SLC29A3: variants seen among roughly 807,000 people sequenced by gnomAD.
SLC29A3 encodes solute carrier family 29 member 3.
A neutral mutation model predicts 25.4 loss-of-function variants in SLC29A3; 18 were observed. That is an observed-to-expected ratio of 0.71 (90% CI 0.49 to 1.05). SLC29A3 has a LOEUF of 1.05. SLC29A3 is among the 50% of genes least tolerant of loss of function. SLC29A3 has a pLI of 0.00. For missense variants in SLC29A3, 586 were observed against 609.0 expected (o/e 0.96, Z 0.40); for synonymous variants, 258 against 267.1 (o/e 0.97, Z 0.33).
In SLC29A3 at chr10:71,319,325, G is replaced by T; in HGVS notation, c.1+15G>T. 1.5e-6 allele frequency: 1 copy of T among 645,418 alleles called. No individual in the cohort carries two copies. Among genetic ancestry groups the T allele is most frequent in the East Asian group, 3.3e-5 (1 of 30,648 alleles). The allele number at this position is 645,418 out of a possible 1,614,324, so 40.0% of individuals were successfully genotyped here. A position where few individuals can be genotyped will look rare whatever the true frequency, so the allele number is the denominator to read the frequency against. On this transcript the variant is annotated intron_variant, in intron 1 of 5. Transcript: ENST00000373189. ...CAGCGGCGACAGTAAGTGCGGGCCG[G>T]CTCGGGCTCTTCCGGCTACGGTCCC...
chr10:71,356,235 G>C lies in SLC29A3; in HGVS notation c.765G>C (p.Glu255Asp). 1 of 1,613,588 alleles carries C rather than the reference G, an allele frequency of 6.2e-7. No individual in the cohort carries two copies. ...TCTACCTGCTGCTGTCCAGGCTGGAGTATGCCAGGTGAAGGTGCCACTCAC... is the reference window on the plus strand; with the variant it reads ...TCTACCTGCTGCTGTCCAGGCTGGACTATGCCAGGTGAAGGTGCCACTCAC... ...MGLYLLLSRL[E>D]YARYYMRPVL... is the part of the protein sequence containing the mutation. Residue 255 changes from glutamate (E) to aspartate (D), a missense_variant, in exon 5 of 6, where the codon GAG becomes GAC. Glu to Asp is a conservative substitution (Grantham distance 45, BLOSUM62 2). Coordinates refer to ENST00000373189, the MANE Select transcript of SLC29A3 (RefSeq NM_018344.6).
Position 71,351,779 on chromosome 10 carries a change from C to T in SLC29A3, c.601C>T (p.Leu201=). 1 of 1,611,968 alleles carries T rather than the reference C, an allele frequency of 6.2e-7. No individual in the cohort carries two copies. The highest frequency in any genetic ancestry group is 8.5e-7 in the Non-Finnish European group (1 of 1,179,632). Residue 201 remains leucine (L), a synonymous_variant, in exon 4 of 6, where the codon CTG becomes TTG. Coordinates refer to ENST00000373189, the MANE Select transcript of SLC29A3 (RefSeq NM_018344.6). ...CTTTCCTATGAGGAACTCCCAGGCACTGATATCAGGTGAGAGCCAGGGTCC... is the reference window on the plus strand; with the variant it reads ...CTTTCCTATGAGGAACTCCCAGGCATTGATATCAGGTGAGAGCCAGGGTCC... ...GSFPMRNSQA[L]ISGGAMGGTV... is the part of the protein sequence containing the mutation.
At chr10:71,351,943 A>G (rs1447349200) in intron 4 of SLC29A3, among the ~76,000 whole-genome samples, 155 bp downstream of exon 4, 1 of 152,210 alleles carries the variant, frequency 6.6e-6, no homozygotes, top group Non-Finnish European at 1.5e-5. Context: ...AACAACGGTC[A>G]TTTCTACTAC....
intron 2 of SLC29A3, among the ~76,000 whole-genome samples, chr10:71,324,209 G>A (rs959409428): frequency 3.3e-5 from 5 of 152,210 alleles, no homozygotes; most frequent in Non-Finnish European, 7.3e-5. Context: ...TCAAGGCGAG[G>A]CCTCTGCTTG....
At chr10:71,367,927 G>A (rs558395462), downstream of SLC29A3, among the ~76,000 whole-genome samples, 3 of 152,284 alleles carry the variant, frequency 2.0e-5, no homozygotes, top group African/African-American at 7.2e-5. Context: ...CTTTTCTGAT[G>A]TCTAAAATAA....
At position 71,341,061 on chromosome 10, in the gene SLC29A3, G is replaced by A. The variant is rs528596390; in HGVS notation, c.301-3148G>A. On this transcript the variant is annotated intron_variant, in intron 2 of 5. Coordinates refer to ENST00000373189, the MANE Select transcript of SLC29A3 (RefSeq NM_018344.6). ...AGCCAGTCTGGGGAGAGGAGAGGCG[G>A]GCGAACGATCTGTGGGCTCCTTCCA... Among the ~76,000 whole-genome samples, 49 of 152,296 alleles carry A rather than the reference G, an allele frequency of 3.2e-4. 1 individual carries two copies. In the South Asian group the frequency reaches 3.7e-3, roughly 12 times the overall value.
chr10:71,372,907 G>A (rs1847222036), intron 3 of SLC29A3, among the ~76,000 whole-genome samples: 1 of 152,130 alleles, frequency 6.6e-6, no homozygotes, highest in Non-Finnish European at 1.5e-5. Context: ...GAGGAGGGAG[G>A]AGGGACAGGG....
chr10:71,357,983 G>A (rs1458676580), intron 5 of SLC29A3, among the ~76,000 whole-genome samples: 1 of 152,188 alleles, frequency 6.6e-6, no homozygotes, highest in African/African-American at 2.4e-5. Flanking sequence ...GCTATTTTTT[G>A]CAGTGGCACA....
At chr10:71,373,520 A>T (rs1200047113) in intron 3 of SLC29A3, among the ~76,000 whole-genome samples, 1 of 152,230 alleles carries the variant, frequency 6.6e-6, no homozygotes, top group Admixed American at 6.5e-5. Flanking sequence ...GAACCTCAGT[A>T]TCCTCATCCG....
intron 2 of SLC29A3, among the ~76,000 whole-genome samples, chr10:71,324,959 C>T (rs1845932659): frequency 6.6e-6 from 1 of 152,208 alleles, no homozygotes; most frequent in Non-Finnish European, 1.5e-5. Flanking sequence ...GGTCAGGAGC[C>T]TCCGTTTCCA....
chr10:71,362,643 CT>C lies in SLC29A3; in HGVS notation c.*38del. The C allele has an allele frequency of 1.9e-6, 3 of 1,613,574 alleles. No homozygotes were observed. Among genetic ancestry groups the C allele is most frequent in the Non-Finnish European group, 2.5e-6 (3 of 1,179,836 alleles). The stretch of plus-strand genomic sequence containing the variant: ...CACAAGGACATTGGTGCTTCAGAGC[CT>C]TTGAAGATGAGAAGAGAGTGCAGGA... On this transcript the variant is annotated 3_prime_UTR_variant, in exon 6 of 6. Coordinates refer to ENST00000373189, the MANE Select transcript of SLC29A3 (RefSeq NM_018344.6).
intron 3 of SLC29A3, among the ~76,000 whole-genome samples, chr10:71,374,218 C>T (rs966252211): frequency 4.6e-5 from 7 of 152,142 alleles, no homozygotes; most frequent in Non-Finnish European, 8.8e-5. Context: ...CTTCCTATTT[C>T]CCTCTCCTCT....
chr10:71,355,735 C>T (rs1357351989), intron 4 of SLC29A3, among the ~76,000 whole-genome samples: 2 of 152,140 alleles, frequency 1.3e-5, no homozygotes, highest in Non-Finnish European at 2.9e-5. Context: ...TTTCAGCCCC[C>T]ACTAGAAGGG....
chr10:71,349,606 C>T (rs1846695058), intron 3 of SLC29A3, among the ~76,000 whole-genome samples: 1 of 151,984 alleles, frequency 6.6e-6, no homozygotes. Flanking sequence ...TGACCACCTC[C>T]CCAGGATGAC....
intron 2 of SLC29A3, among the ~76,000 whole-genome samples, chr10:71,323,425 C>G (rs1051211485): frequency 6.6e-6 from 1 of 152,282 alleles, no homozygotes; most frequent in African/African-American, 2.4e-5. Flanking sequence ...TGCTTCACTT[C>G]TGTGCAGCTT....
intron 2 of SLC29A3, among the ~76,000 whole-genome samples, chr10:71,335,264 C>A (rs1846217967): frequency 1.3e-5 from 2 of 152,152 alleles, no homozygotes; most frequent in African/African-American, 4.8e-5. Flanking sequence ...AAAACAAAAC[C>A]CCTCTTTAGG....
intron 3 of SLC29A3, among the ~76,000 whole-genome samples, chr10:71,345,715 G>T (rs1020464674): frequency 2.6e-5 from 4 of 152,218 alleles, no homozygotes; most frequent in African/African-American, 9.6e-5. Context: ...AGCAGAGGGG[G>T]CACAGCCTGC....
At chr10:71,367,994 G>A (rs1037014439), downstream of SLC29A3, among the ~76,000 whole-genome samples, 1 of 152,148 alleles carries the variant, frequency 6.6e-6, no homozygotes, top group Non-Finnish European at 1.5e-5. Flanking sequence ...AGGCTAAGGC[G>A]GGAGAATCAC....
rs112224745 is a variant in SLC29A3, at chr10:71,326,874, T to C, written c.300+3820T>C. On this transcript the variant is annotated intron_variant, in intron 2 of 5. Transcript: ENST00000373189. ...GAGAGACCTGTCACCCCTCGATTCA[T>C]GGGCCGGGATTGGGAAGCGAGCATG... is the stretch of plus-strand genomic sequence containing the variant. 3.1e-3 allele frequency among the ~76,000 whole-genome samples: 470 copies of C among 152,318 alleles called. 2 individuals carry two copies. The highest frequency in any genetic ancestry group is 0.014 in the Middle Eastern group (4 of 294).
Sources: allele counts gnomAD v4.1 joint callset (sites outside exome capture counted in the v4.1 genomes callset), GRCh38; gene constraint gnomAD v4.1.1; transcripts MANE v1.5; gene names NCBI Gene and HGNC (gene_info 2026-07-23, HGNC 2026-07-21).